Variants in PKDREJ observed in about 807,000 individuals in gnomAD.
PKDREJ encodes the protein PKD and REJ homolog.
For missense variants in PKDREJ, 2,507 were observed against 2,807.2 expected, an observed-to-expected ratio of 0.89 and a Z score of 2.42; for synonymous variants, 1,031 against 1,095.5, an observed-to-expected ratio of 0.94 and a Z score of 1.16.
chr22:46,261,603 T>A lies in PKDREJ; in HGVS notation c.1720A>T (p.Ile574Phe). ...ACAACAAATTTAGTAATAAGTGCAA[T>A]TCCTTTAGCTGGATTAATTTTGCAT... ...GECKINPAKGIALITKFVVQC... is the reference protein window; with the variant it reads ...GECKINPAKGFALITKFVVQC... Residue 574 changes from isoleucine to phenylalanine, a missense_variant, in exon 1 of 1, where the codon ATT becomes TTT. Physicochemically the swap from Ile to Phe is conservative, Grantham distance 21. Transcript: ENST00000253255. The surrounding 1 kb of genome is among the most constrained non-coding windows in gnomAD (Gnocchi z 7.1). The A allele has an allele frequency of 6.2e-7, 1 of 1,613,882 alleles. No individual in the cohort carries two copies. The highest frequency in any genetic ancestry group is 8.5e-7 in the Non-Finnish European group (1 of 1,179,780).
Position 46,262,663 on chromosome 22 carries a change from C to G in PKDREJ, c.660G>C (p.Val220=), listed in dbSNP as rs1207797855. The change falls in exon 1 of 1, where the codon GTG becomes GTC. Residue 220 remains valine, a synonymous_variant. Transcript: ENST00000253255. The surrounding 1 kb of genome is among the most constrained non-coding windows in gnomAD (Gnocchi z 8.1). The part of the protein sequence containing the change: ...CQINACVIQR[V]RINTDQKGAP... ...CGCCCTTCTGGTCCGTGTTGATCCT[C>G]ACGCGCTGGATGACGCAGGCGTTTA... is the stretch of plus-strand genomic sequence containing the variant. 1 of 1,613,272 alleles carries G rather than the reference C, an allele frequency of 6.2e-7. No homozygotes were observed. Among genetic ancestry groups the G allele is most frequent in the Non-Finnish European group, 8.5e-7 (1 of 1,179,782 alleles).
chr22:46,260,125 T>C lies in PKDREJ; in HGVS notation c.3198A>G (p.Ile1066Met). ...VCLPVSLLQL[I>M]AQHSHSPHCT... is the part of the protein sequence containing the mutation. ...AGTGGGGAGAGTGGCTGTGCTGAGC[T>C]ATGAGTTGCAGCAGGGACACAGGGA... is the stretch of plus-strand genomic sequence containing the variant. Residue 1066 changes from isoleucine to methionine, a missense_variant, in exon 1 of 1, where the codon ATA becomes ATG. By Grantham distance (10) the Ile-to-Met change is conservative. Coordinates refer to ENST00000253255, the MANE Select transcript of PKDREJ (RefSeq NM_006071.2). This position sits in a 1 kb window ranked among gnomAD's most constrained non-coding sequence, Gnocchi z 4.5. 6.2e-7 allele frequency: 1 copy of C among 1,613,766 alleles called. No homozygotes were observed. The highest frequency in any genetic ancestry group is 8.5e-7 in the Non-Finnish European group (1 of 1,179,808).
chr22:46,262,120 G>C lies in PKDREJ; in HGVS notation c.1203C>G (p.Pro401=). The C allele has an allele frequency of 6.2e-7, 1 of 1,614,160 alleles. No homozygotes were observed. The highest frequency in any genetic ancestry group is 1.3e-5 in the African/African-American group (1 of 75,054). Residue 401 remains proline (P), a synonymous_variant, in exon 1 of 1, where the codon CCC becomes CCG. Transcript: ENST00000253255. This position sits in a 1 kb window ranked among gnomAD's most constrained non-coding sequence, Gnocchi z 8.1. Reference sequence around the variant, plus strand: ...AGGGCCATTTCAGATTGGCCTGCTCGGGGTGACAGACTTCCTTGCTCCCCA... The same window carrying C: ...AGGGCCATTTCAGATTGGCCTGCTCCGGGTGACAGACTTCCTTGCTCCCCA... The part of the protein sequence containing the change: ...IILGSKEVCH[P]EQANLKWPWA...
In PKDREJ at chr22:46,256,352, G is replaced by T; in HGVS notation, c.*209C>A. 2 of 723,338 alleles carry T rather than the reference G, an allele frequency of 2.8e-6. No individual in the cohort carries two copies. Among genetic ancestry groups the T allele is most frequent in the Non-Finnish European group, 4.3e-6 (2 of 461,954 alleles). The allele number at this position is 723,338 out of a possible 1,614,324, so 44.8% of individuals were successfully genotyped here. ...AGGAATCCCACACTGTGATCCTGCTGTCTCCCCAGATGCTACACTACACTC... is the reference window on the plus strand; with the variant it reads ...AGGAATCCCACACTGTGATCCTGCTTTCTCCCCAGATGCTACACTACACTC... On this transcript the variant is annotated 3_prime_UTR_variant, in exon 1 of 1. Coordinates refer to ENST00000253255, the MANE Select transcript of PKDREJ (RefSeq NM_006071.2). This position sits in a 1 kb window ranked among gnomAD's most constrained non-coding sequence, Gnocchi z 5.3.
chr22:46,259,889 C>G lies in PKDREJ; in HGVS notation c.3434G>C (p.Gly1145Ala). Residue 1145 changes from glycine to alanine, a missense_variant, in exon 1 of 1, where the codon GGC (glycine) becomes GCC (alanine). Physicochemically the swap from Gly to Ala is moderately conservative, Grantham distance 60 (BLOSUM62 0). Transcript: ENST00000253255. The surrounding 1 kb of genome is among the most constrained non-coding windows in gnomAD (Gnocchi z 6.8). ...KNVVRARRQL[G>A]TIGLTGIHLH... The stretch of plus-strand genomic sequence containing the variant: ...GTGAATGCCCGTGAGTCCGATTGTG[C>G]CCAGCTGCCGCCTAGCCCTTACTAC... 6.2e-7 allele frequency: 1 copy of G among 1,613,500 alleles called. No homozygotes were observed. Among genetic ancestry groups the G allele is most frequent in the African/African-American group, 1.3e-5 (1 of 75,038 alleles).
chr22:46,259,086 G>T lies in PKDREJ; in HGVS notation c.4237C>A (p.Gln1413Lys). The change falls in exon 1 of 1, where the codon CAA (glutamine) becomes AAA (lysine). Residue 1413 changes from glutamine to lysine, a missense_variant. Transcript: ENST00000253255. The surrounding 1 kb of genome is among the most constrained non-coding windows in gnomAD (Gnocchi z 6.8). ...CNIMFFNLNR[Q>K]EQTESRERKY... ...CTCTCTCTTGACTCAGTTTGTTCTT[G>T]TCTATTTAGATTAAAGAACATAATG... 1.2e-6 allele frequency: 2 copies of T among 1,612,902 alleles called. No homozygotes were observed. Among genetic ancestry groups the T allele is most frequent in the East Asian group, 2.2e-5 (1 of 44,882 alleles).
rs1936631991 is a variant in PKDREJ, at chr22:46,256,421, C to T, written c.*140G>A. On this transcript the variant is annotated 3_prime_UTR_variant, in exon 1 of 1. Transcript: ENST00000253255. This position sits in a 1 kb window ranked among gnomAD's most constrained non-coding sequence, Gnocchi z 5.3. ...AGAGCAGAGGACAAGATTGGGGATTCTTCCAAATGTAGGGGATGTGCCTTG... is the reference window on the plus strand; with the variant it reads ...AGAGCAGAGGACAAGATTGGGGATTTTTCCAAATGTAGGGGATGTGCCTTG... 1.3e-5 allele frequency: 19 copies of T among 1,425,898 alleles called. No individual in the cohort carries two copies. Among genetic ancestry groups the T allele is most frequent in the Non-Finnish European group, 1.7e-5 (18 of 1,067,882 alleles). The allele number at this position is 1,425,898 out of a possible 1,614,324, so 88.3% of individuals were successfully genotyped here. A position where few individuals can be genotyped will look rare whatever the true frequency, so the allele number is the denominator to read the frequency against.
In PKDREJ at chr22:46,259,940, T is replaced by C. The variant is rs1395456767; in HGVS notation, c.3383A>G (p.Tyr1128Cys). Residue 1128 changes from tyrosine (Y) to cysteine (C), a missense_variant, in exon 1 of 1, where the codon TAT becomes TGT. By Grantham distance (194) the Tyr-to-Cys change is radical (BLOSUM62 -2). Coordinates refer to ENST00000253255, the MANE Select transcript of PKDREJ (RefSeq NM_006071.2). The surrounding 1 kb of genome is among the most constrained non-coding windows in gnomAD (Gnocchi z 6.8). ...ATTCTTGCAGATGCAGTGCACCTCATACCAGCTGGTCTTCTCACCAAGAAT... is the reference window on the plus strand; with the variant it reads ...ATTCTTGCAGATGCAGTGCACCTCACACCAGCTGGTCTTCTCACCAAGAAT... ...YCILGEKTSWYEVHCICKNVV... is the reference protein window; with the variant it reads ...YCILGEKTSWCEVHCICKNVV... The C allele has an allele frequency of 6.8e-6, 11 of 1,613,952 alleles. No individual in the cohort carries two copies. The highest frequency in any genetic ancestry group is 2.2e-5 in the East Asian group (1 of 44,892).
chr22:46,259,811 T>TCC lies in PKDREJ; in HGVS notation c.3510_3511dup (p.Asp1171GlyfsTer5). 6.2e-7 allele frequency: 1 copy of TCC among 1,613,924 alleles called. No homozygotes were observed. Among genetic ancestry groups the TCC allele is most frequent in the Non-Finnish European group, 8.5e-7 (1 of 1,180,020 alleles). ...GCTCTTGATGATGTTTAACCGTAGA[T>TCC]CCACAGGATTAGGGATCACAATCAC... On this transcript the variant is annotated frameshift_variant, in exon 1 of 1. Transcript: ENST00000253255. LOFTEE classifies it low-confidence loss of function (END_TRUNC). This position sits in a 1 kb window ranked among gnomAD's most constrained non-coding sequence, Gnocchi z 6.8.
Position 46,261,503 on chromosome 22 carries a change from C to T in PKDREJ, c.1820G>A (p.Gly607Asp). The change falls in exon 1 of 1, where the codon GGT becomes GAT. Residue 607 changes from glycine to aspartate, a missense_variant. Transcript: ENST00000253255. The surrounding 1 kb of genome is among the most constrained non-coding windows in gnomAD (Gnocchi z 7.1). ...KIIVSDLHSV[G>D]EISSVKENTL... ...GTTCTCTTTTACTGAACTGATTTCA[C>T]CAACACTGTGCAAATCAGAAACAAT... The T allele has an allele frequency of 6.2e-7, 1 of 1,613,976 alleles. No homozygotes were observed. The highest frequency in any genetic ancestry group is 8.5e-7 in the Non-Finnish European group (1 of 1,179,860).
chr22:46,262,566 G>C lies in PKDREJ; in HGVS notation c.757C>G (p.Arg253Gly). 1.2e-6 allele frequency: 2 copies of C among 1,606,286 alleles called. No individual in the cohort carries two copies. Among genetic ancestry groups the C allele is most frequent in the Non-Finnish European group, 8.5e-7 (1 of 1,176,520 alleles). Residue 253 changes from arginine (R) to glycine (G), a missense_variant, in exon 1 of 1, where the codon CGC (arginine) becomes GGC (glycine). Physicochemically the swap from Arg to Gly is moderately radical, Grantham distance 125. Coordinates refer to ENST00000253255, the MANE Select transcript of PKDREJ (RefSeq NM_006071.2). This position sits in a 1 kb window ranked among gnomAD's most constrained non-coding sequence, Gnocchi z 8.1. ...ACCTGCCAGTACTGGGCGATGGCGC[G>C]CGCGGCCGGGCAGTCCAGCTGCACC... ...ASVQLDCPAA[R>G]AIAQYWQVFS...
In PKDREJ at chr22:46,261,558, C is replaced by A; in HGVS notation, c.1765G>T (p.Asp589Tyr). 6.2e-7 allele frequency: 1 copy of A among 1,614,046 alleles called. No homozygotes were observed. Among genetic ancestry groups the A allele is most frequent in the Middle Eastern group, 1.7e-4 (1 of 6,060 alleles). ...TTATATGTAAGAGGGACGTGCTTAT[C>A]CCTAAAATTACTACACTGGACAACA... ...KFVVQCSNFR[D>Y]KHVPLTYKII... Residue 589 changes from aspartate (D) to tyrosine (Y), a missense_variant, in exon 1 of 1, where the codon GAT (aspartate) becomes TAT (tyrosine). Coordinates refer to ENST00000253255, the MANE Select transcript of PKDREJ (RefSeq NM_006071.2). The surrounding 1 kb of genome is among the most constrained non-coding windows in gnomAD (Gnocchi z 7.1).
rs1028221882 is a variant in PKDREJ at position 46,262,516 on chromosome 22, C to T, written c.807G>A (p.Gln269=). ...WQVFSVPAVG[Q]APDWTQPLDL... ...CCAAGGGCTGCGTCCAGTCGGGCGC[C>T]TGACCCACGGCGGGCACGGAGAACA... is the stretch of plus-strand genomic sequence containing the variant. Residue 269 remains glutamine (Q), a synonymous_variant, in exon 1 of 1, where the codon CAG becomes CAA. Transcript: ENST00000253255. The surrounding 1 kb of genome is among the most constrained non-coding windows in gnomAD (Gnocchi z 8.1). 6.9e-6 allele frequency: 11 copies of T among 1,587,890 alleles called. No individual in the cohort carries two copies. The highest frequency in any genetic ancestry group is 9.4e-6 in the Non-Finnish European group (11 of 1,166,360).
chr22:46,263,104 G>A lies in PKDREJ; in HGVS notation c.219C>T (p.Gly73=), dbSNP rs1200998969. The A allele has an allele frequency of 7.6e-7, 1 of 1,309,252 alleles. No homozygotes were observed. The allele number at this position is 1,309,252 out of a possible 1,614,324, so 81.1% of individuals were successfully genotyped here. A position where few individuals can be genotyped will look rare whatever the true frequency, so the allele number is the denominator to read the frequency against. ...CATGGGGGAAGCAGAGGCTGCCGCGGCCGCTCAGGACAGCGCCGCCCGCCC... is the reference window on the plus strand; with the variant it reads ...CATGGGGGAAGCAGAGGCTGCCGCGACCGCTCAGGACAGCGCCGCCCGCCC... The part of the protein sequence containing the change: ...AVRAGGAVLS[G]RGSLCFPHGG... Residue 73 remains glycine (G), a synonymous_variant, in exon 1 of 1, where the codon GGC becomes GGT. Transcript: ENST00000253255. This position sits in a 1 kb window ranked among gnomAD's most constrained non-coding sequence, Gnocchi z 9.4.
In PKDREJ at chr22:46,259,701, C is replaced by T; in HGVS notation, c.3622G>A (p.Asp1208Asn). ...CCCCGAAGATGCTGGTCCATTTCATCCCTGTATAAAGCCCAAAAAGCTAGG... is the reference window on the plus strand; with the variant it reads ...CCCCGAAGATGCTGGTCCATTTCATTCCTGTATAAAGCCCAAAAAGCTAGG... ...VGLAFWALYR[D>N]EMDQHLRGHV... is the part of the protein sequence containing the mutation. The change falls in exon 1 of 1, where the codon GAT becomes AAT. Residue 1208 changes from aspartate to asparagine, a missense_variant. Transcript: ENST00000253255. The surrounding 1 kb of genome is among the most constrained non-coding windows in gnomAD (Gnocchi z 6.8). 1.2e-6 allele frequency: 2 copies of T among 1,614,114 alleles called. No individual in the cohort carries two copies.
chr22:46,257,077 G>C lies in PKDREJ; in HGVS notation c.6246C>G (p.Ile2082Met). ...GGCAGATGCCAGGGAGGGCAGCCTG[G>C]ATGGCCCTCTGAGCCAGGCGCACAT... Reference protein sequence around the residue: ...FYDVRLAQRAIQAALPGICHM... With the variant: ...FYDVRLAQRAMQAALPGICHM... The change falls in exon 1 of 1, where the codon ATC becomes ATG. Residue 2082 changes from isoleucine (I) to methionine (M), a missense_variant. Transcript: ENST00000253255. The surrounding 1 kb of genome is among the most constrained non-coding windows in gnomAD (Gnocchi z 4.7). 1 of 1,613,932 alleles carries C rather than the reference G, an allele frequency of 6.2e-7. No individual in the cohort carries two copies.
rs770958992 is a variant in PKDREJ at position 46,259,031 on chromosome 22, A to G, written c.4292T>C (p.Ile1431Thr). The change falls in exon 1 of 1, where the codon ATT becomes ACT. Residue 1431 changes from isoleucine to threonine, a missense_variant. Physicochemically the swap from Ile to Thr is moderately conservative, Grantham distance 89 (BLOSUM62 -1). Transcript: ENST00000253255. This position sits in a 1 kb window ranked among gnomAD's most constrained non-coding sequence, Gnocchi z 6.8. Reference sequence around the variant, plus strand: ...AGGGATTGTAATTAAGACACTTTCAATTCCTATCATCATTGATCTCATGTA... The same window carrying G: ...AGGGATTGTAATTAAGACACTTTCAGTTCCTATCATCATTGATCTCATGTA... The part of the protein sequence containing the change: ...RKYMRSMMIG[I>T]ESVLITIPVQ... The G allele has an allele frequency of 4.3e-6, 7 of 1,613,860 alleles. No homozygotes were observed. In the African/African-American group the frequency reaches 9.3e-5, roughly 22 times the overall value.
chr22:46,262,193 C>G lies in PKDREJ; in HGVS notation c.1130G>C (p.Trp377Ser), dbSNP rs965230922. ...GTTTCTGGGATCTGTGGTACAGTACCAAAAGAACTGGAGTCCCTGTAACGG... is the reference window on the plus strand; with the variant it reads ...GTTTCTGGGATCTGTGGTACAGTACGAAAAGAACTGGAGTCCCTGTAACGG... ...DSPLQGLQFF[W>S]YCTTDPRNYG... Residue 377 changes from tryptophan to serine, a missense_variant, in exon 1 of 1, where the codon TGG becomes TCG. Trp to Ser is a radical substitution (Grantham distance 177). Transcript: ENST00000253255. The surrounding 1 kb of genome is among the most constrained non-coding windows in gnomAD (Gnocchi z 8.1). 4.3e-6 allele frequency: 7 copies of G among 1,614,184 alleles called. No individual in the cohort carries two copies. Among genetic ancestry groups the G allele is most frequent in the Non-Finnish European group, 5.9e-6 (7 of 1,180,038 alleles).
In PKDREJ at chr22:46,256,918, A is replaced by T. The variant is rs1266004447; in HGVS notation, c.6405T>A (p.Ala2135=). 5.0e-6 allele frequency: 8 copies of T among 1,613,910 alleles called. No homozygotes were observed. Among genetic ancestry groups the T allele is most frequent in the Non-Finnish European group, 6.8e-6 (8 of 1,179,994 alleles). The change falls in exon 1 of 1, where the codon GCT becomes GCA. Residue 2135 remains alanine, a synonymous_variant. Transcript: ENST00000253255. This position sits in a 1 kb window ranked among gnomAD's most constrained non-coding sequence, Gnocchi z 5.3. ...TQTVFSYCVS[A]FQNTEFSNNR... is the part of the protein sequence containing the mutation. The stretch of plus-strand genomic sequence containing the variant: ...TATTGGAAAATTCAGTGTTCTGGAA[A>T]GCTGAGACACAATAGGAAAATACTG...
Sources: gnomAD v4.1 joint callset for allele counts on GRCh38, gnomAD v4.1.1 for gene constraint, Gnocchi (gnomAD v3.1) non-coding constraint, MANE v1.5 for transcripts, NCBI Gene and HGNC (gene_info 2026-07-23, HGNC 2026-07-21) for gene names.